ELP2: variants seen among roughly 807,000 people sequenced by gnomAD.
ELP2 encodes the protein elongator complex protein 2.
ELP2 carries 90 observed loss-of-function variants against 119.2 expected under a neutral mutation model. That is an observed-to-expected ratio of 0.75 (90% CI 0.64 to 0.90). The LOEUF is 0.90. Among genes scored for constraint, ELP2 ranks in the 40% least tolerant of loss-of-function variants. The probability of loss-of-function intolerance (pLI) is 0.00; values close to 1 mark genes in which losing one functional copy is unlikely to be tolerated. For missense variants in ELP2, 921 were observed against 967.8 expected, an observed-to-expected ratio of 0.95 and a Z score of 0.64; for synonymous variants, 339 against 331.0, an observed-to-expected ratio of 1.02 and a Z score of -0.26.
Position 36,156,645 on chromosome 18 carries a change from G to A in ELP2, c.1455G>A (p.Val485=). 6.2e-7 allele frequency: 1 copy of A among 1,613,700 alleles called. No homozygotes were observed. Among genetic ancestry groups the A allele is most frequent in the Non-Finnish European group, 8.5e-7 (1 of 1,179,702 alleles). The change falls in exon 13 of 22, where the codon GTG becomes GTA. Residue 485 remains valine, a synonymous_variant. Transcript: ENST00000358232. ...CAITGQSLNH[V]LCNQDSDLPE... ...TTACAGGACAATCACTGAATCATGT[G>A]CTCTGTAATGTGAGTATTTCTCTAA...
At chr18:36,135,363 C>G (rs1389933090) in intron 2 of ELP2, among the ~76,000 whole-genome samples, 2 of 152,016 alleles carry the variant, frequency 1.3e-5, no homozygotes, top group East Asian at 3.8e-4. Context: ...TTTAACATTA[C>G]TTTTATGTAT....
chr18:36,161,093 C>G lies in ELP2; in HGVS notation c.1761+89C>G, dbSNP rs2090725660. The G allele has an allele frequency of 9.7e-6, 9 of 932,408 alleles. No homozygotes were observed. In the East Asian group the frequency reaches 1.9e-4, roughly 20 times the overall value. The allele number at this position is 932,408 out of a possible 1,614,324, so 57.8% of individuals were successfully genotyped here. On this transcript the variant is annotated intron_variant, in intron 17 of 21. Coordinates refer to ENST00000358232, the MANE Select transcript of ELP2 (RefSeq NM_018255.4). The stretch of plus-strand genomic sequence containing the variant: ...GTTTGGTAATGATTTAGGCAGAACT[C>G]TACGTGAAAGGCCACTAGTGCTTGG...
intron 21 of ELP2, 151 bp from the exon 22 acceptor site, chr18:36,174,334 G>C: frequency 1.3e-6 from 1 of 758,034 alleles, no homozygotes; most frequent in Non-Finnish European, 2.1e-6. Flanking sequence ...AGTAAATATA[G>C]TAAAATATTT....
chr18:36,163,244 G>GT (rs1366861741), intron 17 of ELP2, among the ~76,000 whole-genome samples: 12 of 145,194 alleles, frequency 8.3e-5, no homozygotes, highest in African/African-American at 2.8e-4. Context: ...TGATTTCATT[G>GT]TTTTTTATGG....
At chr18:36,147,084 T>G (rs2090231536) in intron 11 of ELP2, among the ~76,000 whole-genome samples, 2 of 149,534 alleles carry the variant, frequency 1.3e-5, no homozygotes, top group Non-Finnish European at 3.0e-5. Context: ...ATGGGTAGTT[T>G]TTTTTTTTTT....
chr18:36,155,058 G>A (rs1352563064), intron 12 of ELP2, 59 bp downstream of exon 12: 8 of 1,449,946 alleles, frequency 5.5e-6, no homozygotes, highest in Non-Finnish European at 4.8e-6. Context: ...CATCACCCAG[G>A]CTGAAGTGCA....
In ELP2 at chr18:36,136,281, A is replaced by G. The variant is rs766982643; in HGVS notation, c.218-26A>G. 5 of 1,552,134 alleles carry G rather than the reference A, an allele frequency of 3.2e-6. No homozygotes were observed. In the South Asian group the frequency reaches 3.3e-5, roughly 10 times the overall value. On this transcript the variant is annotated intron_variant, in intron 2 of 21. Transcript: ENST00000358232. ...AATTGCAGAAAAAATGAATAAAGAT[A>G]TTTACTGAGATATAATTTTTTTCAG...
intron 6 of ELP2, among the ~76,000 whole-genome samples, chr18:36,141,836 G>A (rs776351742): frequency 2.6e-5 from 4 of 151,788 alleles, no homozygotes; most frequent in East Asian, 1.9e-4. Context: ...GACCACAGGC[G>A]TGTATCACCA....
chr18:36,155,067 C>A, intron 12 of ELP2, 68 bp downstream of exon 12: 1 of 1,351,820 alleles, frequency 7.4e-7, no homozygotes, highest in Non-Finnish European at 1.0e-6. Flanking sequence ...GGCTGAAGTG[C>A]AATGGCACGA....
At chr18:36,168,757 C>T (rs2090982483) in intron 19 of ELP2, among the ~76,000 whole-genome samples, 1 of 152,124 alleles carries the variant, frequency 6.6e-6, no homozygotes, top group Non-Finnish European at 1.5e-5. Flanking sequence ...CCAGCTGCTA[C>T]TCTCAGGGAT....
chr18:36,162,747 C>A (rs1250902547), intron 17 of ELP2, among the ~76,000 whole-genome samples: 1 of 152,100 alleles, frequency 6.6e-6, no homozygotes, highest in Non-Finnish European at 1.5e-5. Flanking sequence ...TAACTTTAAC[C>A]GTTCTAGTAA....
chr18:36,148,025 T>G (rs2090266963), intron 11 of ELP2, among the ~76,000 whole-genome samples: 1 of 151,948 alleles, frequency 6.6e-6, no homozygotes, highest in Admixed American at 6.6e-5. Flanking sequence ...TGTGTCGTCT[T>G]TGGTTTTTAT....
In ELP2 at chr18:36,159,835, GATGTGACAAAGACAATTTA is replaced by G; in HGVS notation, c.1630+8_1630+26del. On this transcript the variant is annotated splice_donor_region_variant and intron_variant, in intron 15 of 21. Transcript: ENST00000358232. Reference sequence around the variant, plus strand: ...TTCAGCCCTCCATACTTACTGGTAAGATGTGACAAAGACAATTTAATAAATCGCTAGAACACACAGTATG... The same window carrying G: ...TTCAGCCCTCCATACTTACTGGTAAGATAAATCGCTAGAACACACAGTATG... 6.2e-7 allele frequency: 1 copy of G among 1,613,160 alleles called. No individual in the cohort carries two copies. The highest frequency in any genetic ancestry group is 8.5e-7 in the Non-Finnish European group (1 of 1,179,228).
Position 36,136,562 on chromosome 18 carries a change from G to GT in ELP2, c.288+188dup, listed in dbSNP as rs1246464766. 9.8e-6 allele frequency: 6 copies of GT among 611,118 alleles called. No individual in the cohort carries two copies. The East Asian group carries it at 1.4e-4, about 14-fold the overall frequency. 37.9% of individuals were successfully genotyped at this position (611,118 alleles called of 1,614,324 possible). On this transcript the variant is annotated intron_variant, in intron 3 of 21. Transcript: ENST00000358232. ...CTGGCTGATTTCTGTTTGTTTGTTT[G>GT]TTTGTTTTTGTAGAGATGGGGTCTT...
At chr18:36,139,303 A>T (rs2089939787) in intron 5 of ELP2, 1 of 1,019,810 alleles carries the variant, frequency 9.8e-7, no homozygotes, top group African/African-American at 1.6e-5. Context: ...AGACCACTTA[A>T]AATCTGCAAA....
intron 11 of ELP2, among the ~76,000 whole-genome samples, chr18:36,146,835 C>CA (rs999138513): frequency 8.7e-5 from 13 of 149,342 alleles, no homozygotes; most frequent in Admixed American, 2.0e-4. Context: ...GACCCGTCTC[C>CA]AAAAAAAAAG....
chr18:36,153,128 T>A (rs1481343143), intron 11 of ELP2, among the ~76,000 whole-genome samples: 1 of 152,380 alleles, frequency 6.6e-6, no homozygotes, highest in African/African-American at 2.4e-5. Flanking sequence ...TTAGCCATTA[T>A]AGATAACAGT....
Position 36,174,759 on chromosome 18 carries a change from G to A in ELP2, c.*118G>A. 1.0e-6 allele frequency: 1 copy of A among 996,802 alleles called. No homozygotes were observed. Among genetic ancestry groups the A allele is most frequent in the South Asian group, 1.5e-5 (1 of 67,686 alleles). 61.7% of individuals were successfully genotyped at this position (996,802 alleles called of 1,614,324 possible). Reference sequence around the variant, plus strand: ...CTGGGTTTTTTTTTTTTTTGAGATGGAGTCTTGCTTTGTCACAACCTCCAC... The same window carrying A: ...CTGGGTTTTTTTTTTTTTTGAGATGAAGTCTTGCTTTGTCACAACCTCCAC... On this transcript the variant is annotated 3_prime_UTR_variant, in exon 22 of 22. Transcript: ENST00000358232.
At position 36,136,369 on chromosome 18, in the gene ELP2, G is replaced by C; in HGVS notation, c.280G>C (p.Asp94His). 6.2e-7 allele frequency: 1 copy of C among 1,609,368 alleles called. No individual in the cohort carries two copies. The highest frequency in any genetic ancestry group is 1.7e-5 in the Admixed American group (1 of 60,018). ...TCAAGTGATTCACTGGGAAATAGAG[G>C]ATAATCAGGTGAGTGGACATGTTTA... ...DNQVIHWEIE[D>H]NQLLKAVHLQ... The change falls in exon 3 of 22, where the codon GAT becomes CAT. Residue 94 changes from aspartate (D) to histidine (H), a missense_variant. Coordinates refer to ENST00000358232, the MANE Select transcript of ELP2 (RefSeq NM_018255.4).
Sources: gnomAD v4.1 joint callset for allele counts (sites outside exome capture counted in the v4.1 genomes callset) on GRCh38, gnomAD v4.1.1 for gene constraint, MANE v1.5 for transcripts, NCBI Gene and HGNC (gene_info 2026-07-23, HGNC 2026-07-21) for gene names.